Variants in PCDHGA2 observed in about 807,000 individuals in gnomAD.
PCDHGA2 encodes the protein protocadherin gamma subfamily A, 2.
PCDHGA2 carries 40 observed loss-of-function variants against 59.2 expected under a neutral mutation model. The ratio of observed to expected loss-of-function variants is 0.68; its 90% CI spans 0.52 to 0.88. The LOEUF (loss-of-function observed/expected upper bound fraction) is 0.88, where lower values mean the gene tolerates loss of function less well. Among genes scored for constraint, PCDHGA2 ranks in the 40% least tolerant of loss-of-function variants. The pLI is 0.00. For synonymous variants in PCDHGA2, 560 were observed against 526.0 expected (o/e 1.06, Z -0.89); for missense variants, 1,226 against 1,204.0 (o/e 1.02, Z -0.27).
intron 1 of PCDHGA2, chr5:141,374,501 G>T (rs746410507): frequency 8.1e-6 from 13 of 1,611,510 alleles, no homozygotes; most frequent in Non-Finnish European, 1.0e-5. Context: ...AGAATTGGAA[G>T]TGAAAATTCT....
At chr5:141,465,504 G>T (rs2099104593) in intron 1 of PCDHGA2, among the ~76,000 whole-genome samples, 2 of 152,152 alleles carry the variant, frequency 1.3e-5, no homozygotes. Context: ...GCATTGTCGT[G>T]GTCAGGAAGG....
At chr5:141,495,499 C>T (rs918858395) in intron 2 of PCDHGA2, among the ~76,000 whole-genome samples, 13 of 152,162 alleles carry the variant, frequency 8.5e-5, no homozygotes, top group African/African-American at 2.9e-4. Context: ...CTTGAGTTTC[C>T]GTCTTTGCCA....
At position 141,343,372 on chromosome 5, in the gene PCDHGA2, G is replaced by T. The variant is rs557811840; in HGVS notation, c.2424+1977G>T. On this transcript the variant is annotated intron_variant, in intron 1 of 3. Transcript: ENST00000394576. Reference sequence around the variant, plus strand: ...CTTAGAGAGTTAAGAGTATAGAGAGGGAAAGGTCAAAGAGGAGGTGGATAT... The same window carrying T: ...CTTAGAGAGTTAAGAGTATAGAGAGTGAAAGGTCAAAGAGGAGGTGGATAT... 22 of 982,464 alleles carry T rather than the reference G, an allele frequency of 2.2e-5. 1 individual carries two copies. In the South Asian group the frequency reaches 1.0e-3, roughly 46 times the overall value. 60.9% of individuals were successfully genotyped at this position (982,464 alleles called of 1,614,324 possible). A position where few individuals can be genotyped will look rare whatever the true frequency, so the allele number is the denominator to read the frequency against.
chr5:141,357,498 T>G, intron 1 of PCDHGA2: 1 of 1,614,020 alleles, frequency 6.2e-7, no homozygotes, highest in South Asian at 1.1e-5. Context: ...CGCGGAAGAG[T>G]CACCTGATCT....
At position 141,486,427 on chromosome 5, in the gene PCDHGA2, A is replaced by T. The variant is rs775958317; in HGVS notation, c.2425-8380A>T. ...CTGGACCCTTGGATCGAGAGGCCAAATCTAGCTATGACATCATGGTCACTG... is the reference window on the plus strand; with the variant it reads ...CTGGACCCTTGGATCGAGAGGCCAATTCTAGCTATGACATCATGGTCACTG... On this transcript the variant is annotated intron_variant, in intron 1 of 3. Transcript: ENST00000394576. The surrounding 1 kb of genome is among the most constrained non-coding windows in gnomAD (Gnocchi z 5.0). 17 of 1,614,042 alleles carry T rather than the reference A, an allele frequency of 1.1e-5. No homozygotes were observed. The Admixed American group carries it at 2.8e-4, about 27-fold the overall frequency.
intron 1 of PCDHGA2, chr5:141,343,157 T>G (rs1757261456): frequency 3.6e-6 from 1 of 280,254 alleles, no homozygotes; most frequent in African/African-American, 2.3e-5. Flanking sequence ...AGCTACTGTG[T>G]CTATATTGTT....
chr5:141,400,027 GC>G (rs746080003), intron 1 of PCDHGA2: 8 of 1,612,664 alleles, frequency 5.0e-6, no homozygotes, highest in Admixed American at 1.7e-5. Flanking sequence ...CAGGGACGCG[GC>G]CCGCCAGCGC....
intron 1 of PCDHGA2, chr5:141,360,286 G>C (rs768676904): frequency 6.2e-7 from 1 of 1,613,932 alleles, no homozygotes; most frequent in Non-Finnish European, 8.5e-7. Flanking sequence ...AGGAAACCTC[G>C]CCAAGGATCT....
rs1281778338 is a variant in PCDHGA2, at chr5:141,512,281, G to A, written c.*1108G>A. ...TGGGTACTCCAGAGGTGCCACTGGTGGAAGGGTCAGCGGAGCCCCAGCAGG... is the reference window on the plus strand; with the variant it reads ...TGGGTACTCCAGAGGTGCCACTGGTAGAAGGGTCAGCGGAGCCCCAGCAGG... On this transcript the variant is annotated 3_prime_UTR_variant, in exon 4 of 4. Transcript: ENST00000394576. 6.5e-6 allele frequency: 1 copy of A among 152,810 alleles called. No homozygotes were observed. Among genetic ancestry groups the A allele is most frequent in the Non-Finnish European group, 1.5e-5 (1 of 68,178 alleles). The allele number at this position is 152,810 out of a possible 1,614,324, so 9.5% of individuals were successfully genotyped here.
chr5:141,403,212 C>T (rs755734755), intron 1 of PCDHGA2: 8 of 1,613,834 alleles, frequency 5.0e-6, no homozygotes, highest in East Asian at 2.2e-5. Context: ...TTGGTCACCG[C>T]GGGTAGGATA....
At chr5:141,355,755 G>A (rs761483033) in intron 1 of PCDHGA2, 64 of 1,613,806 alleles carry the variant, frequency 4.0e-5, no homozygotes, top group Non-Finnish European at 5.3e-5. Context: ...TGCAAAGTGG[G>A]GCCGATGGGA....
chr5:141,379,512 A>C (rs1476847864), intron 1 of PCDHGA2: 1 of 152,258 alleles, frequency 6.6e-6, no homozygotes, highest in African/African-American at 2.4e-5. Context: ...GTTAAACTAC[A>C]TCTTGAGCAT....
At chr5:141,473,733 G>A (rs943072050) in intron 1 of PCDHGA2, among the ~76,000 whole-genome samples, 19 of 152,214 alleles carry the variant, frequency 1.2e-4, no homozygotes, top group Admixed American at 3.9e-4. Flanking sequence ...GAGAGAGGGA[G>A]AAGACATGAG....
intron 1 of PCDHGA2, chr5:141,441,746 C>T: frequency 2.7e-6 from 1 of 371,314 alleles, no homozygotes; most frequent in East Asian, 9.8e-5. Flanking sequence ...TCGCGCTCGG[C>T]GTCAACGTGA....
At chr5:141,484,399 CCGCTGTGTCT>C (rs1488164183) in intron 1 of PCDHGA2, among the ~76,000 whole-genome samples, 4 of 152,186 alleles carry the variant, frequency 2.6e-5, no homozygotes, top group Non-Finnish European at 4.4e-5. Context: ...GGTTTGGTTT[CCGCTGTGTCT>C]CCTGTTACAA....
intron 1 of PCDHGA2, among the ~76,000 whole-genome samples, chr5:141,358,847 A>G (rs1279755498): frequency 6.6e-6 from 1 of 152,176 alleles, no homozygotes; most frequent in Non-Finnish European, 1.5e-5. Context: ...TATTGCTACA[A>G]ATTGCTTTCA....
chr5:141,430,578 C>A (rs1561846151), intron 1 of PCDHGA2: 8 of 470,816 alleles, frequency 1.7e-5, no homozygotes, highest in East Asian at 1.0e-4. Flanking sequence ...AGCGGAGATC[C>A]TGCTCGCCTT....
intron 1 of PCDHGA2, chr5:141,379,744 G>T (rs1333166422): frequency 6.6e-6 from 1 of 152,052 alleles, no homozygotes; most frequent in African/African-American, 2.4e-5. Flanking sequence ...GCTAAATGAG[G>T]TTCTTTAATC....
At chr5:141,383,710 G>C (rs1388027066) in intron 1 of PCDHGA2, 1 of 1,613,992 alleles carries the variant, frequency 6.2e-7, no homozygotes. Flanking sequence ...CGACCTGGAC[G>C]AGGGAGTCAA....
Sources: allele counts gnomAD v4.1 joint callset (sites outside exome capture counted in the v4.1 genomes callset), GRCh38; gene constraint gnomAD v4.1.1; non-coding constraint Gnocchi (gnomAD v3.1); transcripts MANE v1.5; gene names NCBI Gene and HGNC (gene_info 2026-07-23, HGNC 2026-07-21).